LRP1B: variants seen among roughly 807,000 people sequenced by gnomAD.
LRP1B encodes the protein low-density lipoprotein receptor-related protein 1B.
LRP1B carries 217 observed loss-of-function variants against 556.6 expected under a neutral mutation model. That is an observed-to-expected ratio of 0.39 (90% confidence interval 0.35 to 0.44). LRP1B has a LOEUF of 0.44. LRP1B is among the 20% of genes least tolerant of loss of function. The probability of loss-of-function intolerance (pLI) is 1.00; values close to 1 mark genes in which losing one functional copy is unlikely to be tolerated. For synonymous variants in LRP1B, 2,047 were observed against 1,865.8 expected (o/e 1.10, Z -2.50); for missense variants, 5,053 against 5,620.8 (o/e 0.90, Z 3.23).
chr2:140,702,258 T>C lies in LRP1B; in HGVS notation c.6185A>G (p.Asp2062Gly), dbSNP rs2105428901. 1 of 1,613,752 alleles carries C rather than the reference T, an allele frequency of 6.2e-7. No individual in the cohort carries two copies. The highest frequency in any genetic ancestry group is 1.7e-4 in the Middle Eastern group (1 of 6,060). The change falls in exon 39 of 91, where the codon GAC (aspartate) becomes GGC (glycine). Residue 2062 changes from aspartate to glycine, a missense_variant. Around this residue, in one of 5 missense-constraint regions of LRP1B, gnomAD observed 3,619 missense variants for 3,931.9 expected, o/e 0.92. Transcript: ENST00000389484. Reference protein sequence around the residue: ...NKLYWCDARTDKIERIDLETG... With the variant: ...NKLYWCDARTGKIERIDLETG... ...CTCAAGGTCGATTCTCTCTATCTTG[T>C]CTGTGCGAGCATCACACCAGTACAA...
At chr2:140,851,956 A>C (rs889380393) in intron 27 of LRP1B, among the ~76,000 whole-genome samples, 173 bp from the exon 28 acceptor site, 9 of 152,208 alleles carry the variant, frequency 5.9e-5, no homozygotes, top group Non-Finnish European at 1.0e-4. Context: ...CAATTACATT[A>C]ATAAAAAAAC....
At chr2:141,677,231 C>T (rs1410420487) in intron 2 of LRP1B, among the ~76,000 whole-genome samples, 2 of 151,890 alleles carry the variant, frequency 1.3e-5, no homozygotes, top group African/African-American at 4.8e-5. Flanking sequence ...AAAAATTGAG[C>T]CTGAAAGTCA....
At chr2:140,654,820 C>T (rs76376181) in intron 41 of LRP1B, among the ~76,000 whole-genome samples, 9,159 of 152,124 alleles carry the variant, frequency 0.06, 317 homozygotes, top group Admixed American at 0.078. Context: ...TCTTACTATC[C>T]TAAAGAAACA....
At chr2:140,987,640 T>G (rs1696964559) in intron 17 of LRP1B, among the ~76,000 whole-genome samples, 1 of 152,078 alleles carries the variant, frequency 6.6e-6, no homozygotes, top group Admixed American at 6.6e-5. Context: ...AGATGATGTT[T>G]GTTTAGGATG....
chr2:141,488,307 T>C (rs1351678224), intron 2 of LRP1B, among the ~76,000 whole-genome samples: 1 of 152,174 alleles, frequency 6.6e-6, no homozygotes, highest in Non-Finnish European at 1.5e-5. Flanking sequence ...CCAAATTTGA[T>C]ATGTAAAGCA....
intron 8 of LRP1B, among the ~76,000 whole-genome samples, chr2:141,060,049 C>G (rs1420205770): frequency 1.3e-5 from 2 of 151,618 alleles, no homozygotes; most frequent in Non-Finnish European, 2.9e-5. Flanking sequence ...AAAGTATGTG[C>G]GGTTTGATTA....
At chr2:141,837,522 T>C (rs10165901) in intron 1 of LRP1B, among the ~76,000 whole-genome samples, 38 of 152,134 alleles carry the variant, frequency 2.5e-4, no homozygotes, top group African/African-American at 8.9e-4. Flanking sequence ...CTTGACCTTA[T>C]AAAAGGCTAG....
At chr2:140,811,870 T>G (rs190379626) in intron 32 of LRP1B, among the ~76,000 whole-genome samples, 1 of 152,086 alleles carries the variant, frequency 6.6e-6, no homozygotes, top group East Asian at 1.9e-4. Context: ...CTTCTGGATA[T>G]ATACAATGAA....
intron 7 of LRP1B, among the ~76,000 whole-genome samples, chr2:141,082,603 C>T (rs1035880413): frequency 6.6e-6 from 1 of 152,118 alleles, no homozygotes; most frequent in South Asian, 2.1e-4. Context: ...AAGTGGAGTG[C>T]TATGTTTACT....
intron 32 of LRP1B, among the ~76,000 whole-genome samples, chr2:140,810,558 A>G (rs994292082): frequency 8.4e-5 from 12 of 143,272 alleles, no homozygotes; most frequent in Admixed American, 7.0e-4. Context: ...GAAGGGGTGG[A>G]GGTTTTGAAA....
At chr2:140,288,014 A>AG (rs1237739645) in intron 84 of LRP1B, among the ~76,000 whole-genome samples, 1 of 151,770 alleles carries the variant, frequency 6.6e-6, no homozygotes. Context: ...TATTTCATAT[A>AG]TTGTTTTCTA....
At position 141,747,927 on chromosome 2, in the gene LRP1B, G is replaced by A. The variant is rs1055336637; in HGVS notation, c.205+62352C>T. ...TTTTTATAGATGAAGATAAGGAGAGGCATGAAACAATCTAGATTAATGACT... is the reference window on the plus strand; with the variant it reads ...TTTTTATAGATGAAGATAAGGAGAGACATGAAACAATCTAGATTAATGACT... On this transcript the variant is annotated intron_variant, in intron 2 of 90. Coordinates refer to ENST00000389484, the MANE Select transcript of LRP1B (RefSeq NM_018557.3). Among the ~76,000 whole-genome samples, 12 of 152,074 alleles carry A rather than the reference G, an allele frequency of 7.9e-5. No homozygotes were observed. The East Asian group carries it at 1.2e-3, about 15-fold the overall frequency.
chr2:140,815,865 C>CTT (rs1426914225), intron 31 of LRP1B, among the ~76,000 whole-genome samples: 2 of 66,460 alleles, frequency 3.0e-5, no homozygotes, highest in Admixed American at 1.6e-4. Context: ...AATGTTGTCT[C>CTT]TCTTTTTTTT....
chr2:140,476,785 A>G (rs908607771), intron 59 of LRP1B, among the ~76,000 whole-genome samples: 2 of 152,168 alleles, frequency 1.3e-5, no homozygotes, highest in South Asian at 4.1e-4. Flanking sequence ...ATAAACAGAG[A>G]TTCAAAGAGC....
chr2:140,686,251 T>C (rs1043950167), intron 41 of LRP1B, among the ~76,000 whole-genome samples: 4 of 152,116 alleles, frequency 2.6e-5, no homozygotes, highest in African/African-American at 7.2e-5. Flanking sequence ...AGGAGGTAAA[T>C]GCTTTACAAT....
intron 7 of LRP1B, among the ~76,000 whole-genome samples, chr2:141,097,111 G>T (rs191779535): frequency 1.4e-4 from 22 of 152,254 alleles, no homozygotes; most frequent in Non-Finnish European, 2.6e-4. Flanking sequence ...GAGTAATTAA[G>T]AGCTATTTGT....
intron 66 of LRP1B, among the ~76,000 whole-genome samples, chr2:140,403,622 G>A (rs1274434869): frequency 2.6e-5 from 4 of 152,048 alleles, no homozygotes; most frequent in Non-Finnish European, 5.9e-5. Context: ...AAGAATTATG[G>A]GGTTGTGTAA....
At chr2:141,765,400 T>C (rs1694702714) in intron 2 of LRP1B, among the ~76,000 whole-genome samples, 1 of 152,188 alleles carries the variant, frequency 6.6e-6, no homozygotes, top group Admixed American at 6.5e-5. Context: ...TTTTTTCACT[T>C]ATAGGTATTG....
intron 11 of LRP1B, among the ~76,000 whole-genome samples, chr2:141,030,125 T>G (rs1243400354): frequency 2.0e-5 from 3 of 152,174 alleles, no homozygotes; most frequent in Non-Finnish European, 4.4e-5. Flanking sequence ...TTGCCATATA[T>G]TTTTGGCAAA....
Sources: allele counts gnomAD v4.1 joint callset (sites outside exome capture counted in the v4.1 genomes callset), GRCh38; gene constraint gnomAD v4.1.1; regional missense constraint gnomAD v4.1.1; transcripts MANE v1.5; gene names NCBI Gene and HGNC (gene_info 2026-07-23, HGNC 2026-07-21).